Variants in DRC11 observed in about 807,000 individuals in gnomAD.
DRC11 encodes the protein dynein regulatory complex subunit 11.
chr2:236,488,123 C>T, the DRC11 span: 6 of 1,610,794 alleles, frequency 3.7e-6, no homozygotes, highest in Non-Finnish European at 5.1e-6. Flanking sequence ...GGCGACCTTG[C>T]CGTGCCCTCT....
the DRC11 span, among the ~76,000 whole-genome samples, chr2:236,504,192 A>G: frequency 0.11 from 16,107 of 148,536 alleles, 2,106 homozygotes; most frequent in African/African-American, 0.31. The surrounding 1 kb of genome is among the most constrained non-coding windows in gnomAD (Gnocchi z 5.0). Context: ...GTGAAATTAC[A>G]CGGCGGTGGG....
chr2:236,441,235 G>T, the DRC11 span: 45 of 763,736 alleles, frequency 5.9e-5, no homozygotes, highest in African/African-American at 4.9e-4. Context: ...AAGGGTGGAG[G>T]GTTCCCTGTA....
chr2:236,390,632 G>A, the DRC11 span, among the ~76,000 whole-genome samples: 3 of 152,136 alleles, frequency 2.0e-5, no homozygotes, highest in Non-Finnish European at 4.4e-5. This position sits in a 1 kb window ranked among gnomAD's most constrained non-coding sequence, Gnocchi z 5.9. Flanking sequence ...CAGGCCCAAC[G>A]CTGATTTTTG....
At chr2:236,424,243 G>T in the DRC11 span, among the ~76,000 whole-genome samples, 2 of 152,106 alleles carry the variant, frequency 1.3e-5, no homozygotes, top group Non-Finnish European at 2.9e-5. Context: ...AAAATAGTCG[G>T]ATATATAATT....
At chr2:236,443,978 A>G in the DRC11 span, among the ~76,000 whole-genome samples, 2 of 136,958 alleles carry the variant, frequency 1.5e-5, no homozygotes, top group East Asian at 2.0e-4. This position sits in a 1 kb window ranked among gnomAD's most constrained non-coding sequence, Gnocchi z 4.4. Context: ...TGGCCACATG[A>G]ATTTTTTTTT....
chr2:236,432,804 T>A, the DRC11 span, among the ~76,000 whole-genome samples: 1 of 152,140 alleles, frequency 6.6e-6, no homozygotes, highest in Admixed American at 6.6e-5. Context: ...TGCTATGATT[T>A]CTGGGTTTGT....
chr2:236,439,103 A>G, the DRC11 span, among the ~76,000 whole-genome samples: 1 of 151,030 alleles, frequency 6.6e-6, no homozygotes, highest in Non-Finnish European at 1.5e-5. Flanking sequence ...GTAAATGCCC[A>G]CAAGAGAAAG....
chr2:236,499,465 G>C, the DRC11 span, among the ~76,000 whole-genome samples: 1 of 152,100 alleles, frequency 6.6e-6, no homozygotes, highest in African/African-American at 2.4e-5. The surrounding 1 kb of genome is among the most constrained non-coding windows in gnomAD (Gnocchi z 4.7). Flanking sequence ...GTCTCACTCT[G>C]TCACCCAGCC....
the DRC11 span, among the ~76,000 whole-genome samples, chr2:236,479,645 A>G: frequency 6.6e-6 from 1 of 152,108 alleles, no homozygotes; most frequent in Non-Finnish European, 1.5e-5. This position sits in a 1 kb window ranked among gnomAD's most constrained non-coding sequence, Gnocchi z 4.1. Context: ...TCTCCCCCAC[A>G]TTTTGACTTT....
chr2:236,441,260 C>G, the DRC11 span: 1 of 646,090 alleles, frequency 1.5e-6, no homozygotes. Context: ...AAGGGCTGGG[C>G]ATGGTGTCTT....
chr2:236,409,867 C>A, the DRC11 span, among the ~76,000 whole-genome samples: 1 of 152,142 alleles, frequency 6.6e-6, no homozygotes, highest in Non-Finnish European at 1.5e-5. Context: ...TTGAGATAAT[C>A]ATGTGGTTTT....
the DRC11 span, among the ~76,000 whole-genome samples, chr2:236,387,857 G>A: frequency 1.3e-5 from 2 of 151,938 alleles, no homozygotes; most frequent in African/African-American, 2.4e-5. Flanking sequence ...AGGCAGGCCT[G>A]GTGGTGACAA....
chr2:236,330,734 C>T, the DRC11 span, among the ~76,000 whole-genome samples: 1 of 152,146 alleles, frequency 6.6e-6, no homozygotes. This position sits in a 1 kb window ranked among gnomAD's most constrained non-coding sequence, Gnocchi z 5.5. Context: ...AAAGACAACA[C>T]CACTGTATTT....
the DRC11 span, among the ~76,000 whole-genome samples, chr2:236,485,043 A>G: frequency 3.3e-5 from 5 of 152,310 alleles, no homozygotes; most frequent in African/African-American, 1.2e-4. Context: ...AAATCTTTTC[A>G]GCATTTGCTA....
chr2:236,489,889 C>T, the DRC11 span, among the ~76,000 whole-genome samples: 1 of 152,166 alleles, frequency 6.6e-6, no homozygotes, highest in Non-Finnish European at 1.5e-5. Context: ...CATGCCACTG[C>T]ATTGTGGCTT....
chr2:236,507,289 T>C, the DRC11 span: 6 of 1,613,952 alleles, frequency 3.7e-6, no homozygotes, highest in Non-Finnish European at 5.1e-6. Context: ...TTCCCTCTTT[T>C]CCTCGCCCTC....
chr2:236,435,581 T>C, the DRC11 span, among the ~76,000 whole-genome samples: 7 of 152,272 alleles, frequency 4.6e-5, 1 homozygote, highest in South Asian at 1.0e-3. Flanking sequence ...AAAGCAAGCA[T>C]GTCTTACATG....
the DRC11 span, among the ~76,000 whole-genome samples, chr2:236,396,281 G>C: frequency 7.5e-4 from 88 of 117,896 alleles, no homozygotes; most frequent in Admixed American, 2.5e-3. Context: ...TTTCACACGT[G>C]GGGGGGCAAT....
the DRC11 span, among the ~76,000 whole-genome samples, chr2:236,475,567 A>C: frequency 2.0e-5 from 3 of 152,154 alleles, no homozygotes; most frequent in African/African-American, 7.2e-5. This position sits in a 1 kb window ranked among gnomAD's most constrained non-coding sequence, Gnocchi z 4.8. Context: ...ATTACTGTTA[A>C]TGGTTCTATC....
Sources: allele counts gnomAD v4.1 joint callset (sites outside exome capture counted in the v4.1 genomes callset), GRCh38; gene constraint gnomAD v4.1.1; non-coding constraint Gnocchi (gnomAD v3.1); transcripts MANE v1.5; gene names NCBI Gene and HGNC (gene_info 2026-07-23, HGNC 2026-07-21).